Variants in TAB2 observed in about 807,000 individuals in gnomAD.
TAB2 encodes the protein TGF-beta-activated kinase 1 and MAP3K7-binding protein 2.
TAB2 carries 3 observed loss-of-function variants against 65.0 expected under a neutral mutation model. The ratio of observed to expected loss-of-function variants is 0.05; its 90% CI spans 0.02 to 0.12. TAB2 has a LOEUF of 0.12. Ranked by LOEUF, TAB2 falls within the 10% of genes least tolerant of loss-of-function variation. The pLI, the probability that TAB2 is intolerant of heterozygous loss-of-function variation, is 1.00. For synonymous variants in TAB2, 298 were observed against 285.1 expected (o/e 1.05, Z -0.46); for missense variants, 623 against 840.3 (o/e 0.74, Z 3.20).
rs1443373336 is a variant in TAB2 at position 149,399,035 on chromosome 6, A to G, written c.1859-69A>G. The G allele has an allele frequency of 2.0e-5, 27 of 1,329,472 alleles. No individual in the cohort carries two copies. In the South Asian group the frequency reaches 2.3e-4, roughly 11 times the overall value. The allele number at this position is 1,329,472 out of a possible 1,614,324, so 82.4% of individuals were successfully genotyped here. Reference sequence around the variant, plus strand: ...AGCGTGTTTATTTTTAGAAAGAAATACTTGTTTTAAAAAGTAAAGTTGTTT... The same window carrying G: ...AGCGTGTTTATTTTTAGAAAGAAATGCTTGTTTTAAAAAGTAAAGTTGTTT... On this transcript the variant is annotated intron_variant, in intron 5 of 6. Transcript: ENST00000637181.
intron 1 of TAB2, among the ~76,000 whole-genome samples, chr6:149,289,154 A>T (rs9498292): frequency 0.23 from 34,211 of 151,842 alleles, 4,101 homozygotes; most frequent in East Asian, 0.43. Flanking sequence ...CCACCATGCC[A>T]GGTCAACGTG....
chr6:149,225,070 A>G (rs548635882), intron 1 of TAB2, among the ~76,000 whole-genome samples: 2 of 152,370 alleles, frequency 1.3e-5, no homozygotes, highest in African/African-American at 2.4e-5. Context: ...TAGCTAAAAC[A>G]TATTTGGGAC....
intron 1 of TAB2, among the ~76,000 whole-genome samples, chr6:149,308,893 T>G (rs643491): frequency 0.37 from 56,994 of 151,998 alleles, 10,599 homozygotes; most frequent in East Asian, 0.43. Flanking sequence ...TTTAATAACC[T>G]TTTGCATATT....
intron 1 of TAB2, among the ~76,000 whole-genome samples, chr6:149,233,830 C>T (rs926185235): frequency 4.6e-5 from 7 of 152,262 alleles, no homozygotes; most frequent in African/African-American, 1.7e-4. Context: ...CCTAATATAT[C>T]CAATGCTTGA....
intron 1 of TAB2, among the ~76,000 whole-genome samples, chr6:149,300,841 G>T (rs1435502321): frequency 6.6e-6 from 1 of 152,190 alleles, no homozygotes; most frequent in Non-Finnish European, 1.5e-5. Context: ...CCTAAATCAT[G>T]GAATTAAAGT....
intron 1 of TAB2, among the ~76,000 whole-genome samples, chr6:149,276,350 A>T (rs566082713): frequency 2.6e-5 from 4 of 152,184 alleles, no homozygotes; most frequent in Non-Finnish European, 5.9e-5. Flanking sequence ...ATTGGTTTGT[A>T]TTCTATTGGA....
intron 1 of TAB2, among the ~76,000 whole-genome samples, chr6:149,348,926 CG>C (rs755288922): frequency 5.2e-4 from 79 of 151,404 alleles, no homozygotes; most frequent in South Asian, 1.7e-3. Context: ...GAGATCGCAC[CG>C]TTGAACTCCA....
At chr6:149,306,062 G>A (rs1446410429) in intron 1 of TAB2, among the ~76,000 whole-genome samples, 4 of 152,294 alleles carry the variant, frequency 2.6e-5, no homozygotes, top group African/African-American at 9.6e-5. Flanking sequence ...AAAGAAGTGG[G>A]TGGGCTGTTA....
chr6:149,333,594 C>G (rs1216543130), intron 1 of TAB2, among the ~76,000 whole-genome samples: 1 of 152,098 alleles, frequency 6.6e-6, no homozygotes, highest in Non-Finnish European at 1.5e-5. Context: ...TACCTTTCCA[C>G]TTTTGAGCTT....
chr6:149,383,645 C>T (rs996016705), intron 3 of TAB2, among the ~76,000 whole-genome samples: 2 of 152,142 alleles, frequency 1.3e-5, no homozygotes, highest in African/African-American at 2.4e-5. Context: ...TGCAGTAGCA[C>T]GATCTCAGCT....
chr6:149,232,329 G>A (rs1417666384), intron 1 of TAB2, among the ~76,000 whole-genome samples: 1 of 152,120 alleles, frequency 6.6e-6, no homozygotes, highest in Non-Finnish European at 1.5e-5. Flanking sequence ...CCCAGTTCAA[G>A]TGATTCTCCT....
chr6:149,307,900 C>A (rs1336670989), intron 1 of TAB2, among the ~76,000 whole-genome samples: 2 of 152,194 alleles, frequency 1.3e-5, no homozygotes, highest in African/African-American at 2.4e-5. Flanking sequence ...TAGAATCTAT[C>A]TTTCCAGACT....
intron 1 of TAB2, among the ~76,000 whole-genome samples, chr6:149,309,599 G>A (rs145743658): frequency 0.032 from 4,877 of 151,616 alleles, 252 homozygotes; most frequent in African/African-American, 0.11. Context: ...GGGTTTCACC[G>A]TGTTAGCCAG....
chr6:149,328,227 G>C (rs1459837849), intron 1 of TAB2, among the ~76,000 whole-genome samples: 1 of 152,188 alleles, frequency 6.6e-6, no homozygotes, highest in African/African-American at 2.4e-5. Flanking sequence ...TGACATGCTT[G>C]TGCAGAATAG....
chr6:149,287,233 G>T (rs2114691138), intron 1 of TAB2, among the ~76,000 whole-genome samples: 1 of 152,310 alleles, frequency 6.6e-6, no homozygotes, highest in Non-Finnish European at 1.5e-5. Flanking sequence ...TGAGTCAACA[G>T]GTGAAAGGAT....
chr6:149,282,927 C>A (rs1213675290), intron 1 of TAB2, among the ~76,000 whole-genome samples: 2 of 152,140 alleles, frequency 1.3e-5, no homozygotes, highest in Non-Finnish European at 2.9e-5. Context: ...TTCTTAACTG[C>A]TGGGTCAAAA....
chr6:149,334,986 C>T (rs1159377147), intron 1 of TAB2, among the ~76,000 whole-genome samples: 2 of 152,086 alleles, frequency 1.3e-5, no homozygotes, highest in African/African-American at 4.8e-5. Flanking sequence ...TATTGTCAGG[C>T]TATTAGTTTA....
chr6:149,409,993 A>G lies in TAB2; in HGVS notation c.*274A>G, dbSNP rs1480240110. The G allele has an allele frequency of 1.4e-5, 7 of 491,686 alleles. No homozygotes were observed. The Admixed American group carries it at 1.7e-4, about 12-fold the overall frequency. 30.5% of individuals were successfully genotyped at this position (491,686 alleles called of 1,614,324 possible). On this transcript the variant is annotated 3_prime_UTR_variant, in exon 7 of 7. Coordinates refer to ENST00000637181, the MANE Select transcript of TAB2 (RefSeq NM_001292034.3). ...CAGTGTTACCAGTGTCCCATTATGG[A>G]TAATTCTCAATATGTTAACACCTAG...
At chr6:149,275,957 C>A (rs1360462365) in intron 1 of TAB2, among the ~76,000 whole-genome samples, 3 of 152,062 alleles carry the variant, frequency 2.0e-5, no homozygotes, top group Admixed American at 2.0e-4. Flanking sequence ...ATGTGGTATC[C>A]TGGGTAGGAT....
Sources: allele counts gnomAD v4.1 joint callset (sites outside exome capture counted in the v4.1 genomes callset), GRCh38; gene constraint gnomAD v4.1.1; transcripts MANE v1.5; gene names NCBI Gene and HGNC (gene_info 2026-07-23, HGNC 2026-07-21).